CC2D1A: variants seen among roughly 807,000 people sequenced by gnomAD.
CC2D1A encodes coiled-coil and C2 domain containing 1A, also known as coiled-coil and C2 domain-containing protein 1A.
Under a neutral mutation model 123.8 loss-of-function variants are expected in CC2D1A, and 68 were observed. That is an observed-to-expected ratio of 0.55 (90% CI 0.45 to 0.67). The LOEUF is 0.67. Among genes scored for constraint, CC2D1A ranks in the 30% least tolerant of loss-of-function variants. CC2D1A has a pLI of 0.00. For synonymous variants in CC2D1A, 477 were observed against 528.0 expected (o/e 0.90, Z 1.32); for missense variants, 1,185 against 1,290.3 (o/e 0.92, Z 1.25).
chr19:13,919,195 G>GCCCC lies in CC2D1A; in HGVS notation c.1217_1220dup (p.Gly408ProfsTer34). On this transcript the variant is annotated frameshift_variant, in exon 11 of 29. Transcript: ENST00000318003. LOFTEE classifies it high-confidence loss of function. ...CCGTGGATGTCGCTGAATTGCCCGT[G>GCCCC]CCCCCAGGTAGGCCTTGCCCCTGTA... The GCCCC allele has an allele frequency of 6.2e-7, 1 of 1,612,122 alleles. No homozygotes were observed. The highest frequency in any genetic ancestry group is 1.1e-5 in the South Asian group (1 of 90,964).
chr19:13,907,387 G>A (rs1970799856), intron 1 of CC2D1A, among the ~76,000 whole-genome samples: 2 of 152,078 alleles, frequency 1.3e-5, no homozygotes, highest in Admixed American at 6.6e-5. Flanking sequence ...GCTCCAGCCT[G>A]GGTGACAGAA....
Position 13,909,929 on chromosome 19 carries a change from C to A in CC2D1A, c.167C>A (p.Pro56His). The stretch of plus-strand genomic sequence containing the variant: ...TTCTTGGCTTTGGTCGGGGGCCAGC[C>A]CCCAGCCCTGGAGAAGCTCAAAGGC... Reference protein sequence around the residue: ...AEFLALVGGQPPALEKLKGKG... With the variant: ...AEFLALVGGQHPALEKLKGKG... Residue 56 changes from proline to histidine, a missense_variant, in exon 2 of 29, where the codon CCC (proline) becomes CAC (histidine). By Grantham distance (77) the Pro-to-His change is moderately conservative. Coordinates refer to ENST00000318003, the MANE Select transcript of CC2D1A (RefSeq NM_017721.5). The A allele has an allele frequency of 6.5e-7, 1 of 1,529,248 alleles. No individual in the cohort carries two copies. Among genetic ancestry groups the A allele is most frequent in the South Asian group, 1.3e-5 (1 of 77,580 alleles). 94.7% of individuals were successfully genotyped at this position (1,529,248 alleles called of 1,614,324 possible).
In CC2D1A at chr19:13,920,098, A is replaced by T. The variant is rs533898785; in HGVS notation, c.1356+147A>T. On this transcript the variant is annotated intron_variant, in intron 12 of 28. Transcript: ENST00000318003. ...CCCCGTCTCTACAAAAAAATTTTTT[A>T]AAATTAGCCAGGCATGGTGGGACTC... 248 of 764,428 alleles carry T rather than the reference A, an allele frequency of 3.2e-4. 1 individual carries two copies. The highest frequency in any genetic ancestry group is 2.8e-3 in the African/African-American group (156 of 55,866). The allele number at this position is 764,428 out of a possible 1,614,324, so 47.4% of individuals were successfully genotyped here. A position where few individuals can be genotyped will look rare whatever the true frequency, so the allele number is the denominator to read the frequency against.
In CC2D1A at chr19:13,918,516, G is replaced by C. The variant is rs904856105; in HGVS notation, c.886G>C (p.Val296Leu). 4 of 1,613,830 alleles carry C rather than the reference G, an allele frequency of 2.5e-6. No homozygotes were observed. The African/African-American group carries it at 5.3e-5, about 22-fold the overall frequency. ...HFRVAKSFDAVLEALSRGEPV... is the reference protein window; with the variant it reads ...HFRVAKSFDALLEALSRGEPV... Reference sequence around the variant, plus strand: ...TTCCTTCTCCCAGAGCTTTGATGCTGTCTTGGAGGCCCTGAGCCGGGGTGA... The same window carrying C: ...TTCCTTCTCCCAGAGCTTTGATGCTCTCTTGGAGGCCCTGAGCCGGGGTGA... Residue 296 changes from valine to leucine, a missense_variant, in exon 8 of 29, where the codon GTC becomes CTC. Coordinates refer to ENST00000318003, the MANE Select transcript of CC2D1A (RefSeq NM_017721.5).
intron 17 of CC2D1A, among the ~76,000 whole-genome samples, chr19:13,926,021 TATATGTGTATATATATATATATAC>T (rs2145362967): frequency 1.9e-5 from 2 of 104,958 alleles, no homozygotes; most frequent in African/African-American, 1.1e-4. Context: ...TATACGTATA[TATATGTGTATATATATATATATAC>T]ACGTATATAT....
Position 13,919,049 on chromosome 19 carries a change from T to TG in CC2D1A, c.1149+12dup, listed in dbSNP as rs755126900. 14 of 1,605,898 alleles carry TG rather than the reference T, an allele frequency of 8.7e-6. No individual in the cohort carries two copies. The East Asian group carries it at 2.5e-4, about 28-fold the overall frequency. On this transcript the variant is annotated splice_region_variant and intron_variant, in intron 10 of 28. Transcript: ENST00000318003. ...GCACGAGCGCATCGTCAAGGTGCCC[T>TG]GGGGGTTCCGGGGGAGGTGGGGCGA...
chr19:13,913,863 C>T (rs377007206), intron 6 of CC2D1A, among the ~76,000 whole-genome samples: 8 of 152,186 alleles, frequency 5.3e-5, no homozygotes, highest in Middle Eastern at 3.4e-3. Context: ...ATATAGATCA[C>T]ATTTGCCATT....
Position 13,912,384 on chromosome 19 carries a change from G to A in CC2D1A, c.258G>A (p.Glu86=), listed in dbSNP as rs1275179452. The change falls in exon 3 of 29, where the codon GAG becomes GAA. Residue 86 remains glutamate (E), a synonymous_variant. Coordinates refer to ENST00000318003, the MANE Select transcript of CC2D1A (RefSeq NM_017721.5). The part of the protein sequence containing the change: ...MASLCMRDPD[E]DEEEGTDEDD... ...GCCTGTGCATGAGAGACCCGGATGA[G>A]GATGAGGAGGAGGGGACGGATGAGG... 1.2e-6 allele frequency: 2 copies of A among 1,613,624 alleles called. No individual in the cohort carries two copies. The highest frequency in any genetic ancestry group is 1.3e-5 in the African/African-American group (1 of 75,044).
In CC2D1A at chr19:13,926,011, T is replaced by C. The variant is rs1195422072; in HGVS notation, c.1941-506T>C. ...ATACATATATGTGTGTATATATATA[T>C]ATACGTATATATATGTGTATATATA... On this transcript the variant is annotated intron_variant, in intron 17 of 28. Coordinates refer to ENST00000318003, the MANE Select transcript of CC2D1A (RefSeq NM_017721.5). 4.3e-4 allele frequency among the ~76,000 whole-genome samples: 53 copies of C among 124,140 alleles called. 1 individual carries two copies. The highest frequency in any genetic ancestry group is 2.1e-3 in the African/African-American group (51 of 23,984). The allele number at this position is 124,140 out of a possible 152,430, so 81.4% of individuals were successfully genotyped here.
Position 13,929,720 on chromosome 19 carries a change from G to T in CC2D1A, c.2710+60G>T, listed in dbSNP as rs2145382791. ...GAGCTCCAGGATAGGCATGGGGGGGGAGGTGCTCAGGGATGCATATCTGGT... is the reference window on the plus strand; with the variant it reads ...GAGCTCCAGGATAGGCATGGGGGGGTAGGTGCTCAGGGATGCATATCTGGT... On this transcript the variant is annotated intron_variant, in intron 26 of 28. Coordinates refer to ENST00000318003, the MANE Select transcript of CC2D1A (RefSeq NM_017721.5). 1.3e-5 allele frequency: 13 copies of T among 1,006,688 alleles called. No individual in the cohort carries two copies. The South Asian group carries it at 1.3e-4, about 10-fold the overall frequency. 62.4% of individuals were successfully genotyped at this position (1,006,688 alleles called of 1,614,324 possible).
intron 6 of CC2D1A, among the ~76,000 whole-genome samples, chr19:13,917,694 T>A (rs1178309265): frequency 6.7e-6 from 1 of 150,266 alleles, no homozygotes; most frequent in East Asian, 2.0e-4. Flanking sequence ...AAAAATACAT[T>A]AAAGCCAGGC....
intron 14 of CC2D1A, among the ~76,000 whole-genome samples, chr19:13,921,808 G>A (rs560363240): frequency 1.3e-5 from 2 of 152,314 alleles, no homozygotes; most frequent in Admixed American, 1.3e-4. Context: ...GGGAGGCTGA[G>A]GTGGGAGGAT....
Position 13,906,633 on chromosome 19 carries a change from G to A in CC2D1A, c.60+132G>A. 1.8e-6 allele frequency: 1 copy of A among 553,854 alleles called. No homozygotes were observed. Among genetic ancestry groups the A allele is most frequent in the Non-Finnish European group, 3.0e-6 (1 of 328,358 alleles). 34.3% of individuals were successfully genotyped at this position (553,854 alleles called of 1,614,324 possible). On this transcript the variant is annotated intron_variant, in intron 1 of 28. Coordinates refer to ENST00000318003, the MANE Select transcript of CC2D1A (RefSeq NM_017721.5). The surrounding 1 kb of genome is among the most constrained non-coding windows in gnomAD (Gnocchi z 4.1). ...AAGCCCCGGTCCCCGCCTCCCCCCA[G>A]GTGAGGCTCCAACACCACCCAAGTG...
rs1157832326 is a variant in CC2D1A, at chr19:13,920,617, T to C, written c.1417T>C (p.Ser473Pro). ...AGCCCCACCCTCAAGAACTCCCCAG[T>C]CGGGATCAGCCCCAACAGCCAAAGC... is the stretch of plus-strand genomic sequence containing the variant. ...PKAPPSRTPQ[S>P]GSAPTAKAPP... Residue 473 changes from serine (S) to proline (P), a missense_variant, in exon 13 of 29, where the codon TCG becomes CCG. Physicochemically the swap from Ser to Pro is moderately conservative, Grantham distance 74. Coordinates refer to ENST00000318003, the MANE Select transcript of CC2D1A (RefSeq NM_017721.5). 1 of 1,610,996 alleles carries C rather than the reference T, an allele frequency of 6.2e-7. No individual in the cohort carries two copies. Among genetic ancestry groups the C allele is most frequent in the African/African-American group, 1.3e-5 (1 of 74,696 alleles).
intron 14 of CC2D1A, among the ~76,000 whole-genome samples, chr19:13,921,502 ACCC>A (rs1049792699): frequency 6.6e-6 from 1 of 152,102 alleles, no homozygotes; most frequent in African/African-American, 2.4e-5. Context: ...GGGGATGGCC[ACCC>A]CTGCCTCAAA....
At chr19:13,924,205 C>G (rs1316642493) in intron 17 of CC2D1A, among the ~76,000 whole-genome samples, 1 of 152,056 alleles carries the variant, frequency 6.6e-6, no homozygotes, top group African/African-American at 2.4e-5. Context: ...GAGTCTCACT[C>G]TGTTGCCCAG....
chr19:13,914,080 G>C (rs140791094), intron 6 of CC2D1A, among the ~76,000 whole-genome samples: 37 of 151,990 alleles, frequency 2.4e-4, no homozygotes, highest in African/African-American at 8.4e-4. Context: ...GTTTCACCTT[G>C]TTGGCCAGGC....
At chr19:13,925,972 A>ATG (rs1384971469) in intron 17 of CC2D1A, among the ~76,000 whole-genome samples, 1 of 105,394 alleles carries the variant, frequency 9.5e-6, no homozygotes, top group Non-Finnish European at 1.8e-5. Flanking sequence ...ACGTATATAT[A>ATG]TGTGTATATA....
At chr19:13,925,106 C>T (rs1190122569) in intron 17 of CC2D1A, among the ~76,000 whole-genome samples, 3 of 152,134 alleles carry the variant, frequency 2.0e-5, no homozygotes, top group Admixed American at 6.6e-5. Context: ...CCTATCTATC[C>T]GAGCAGTCTC....
Sources: allele counts gnomAD v4.1 joint callset (sites outside exome capture counted in the v4.1 genomes callset), GRCh38; gene constraint gnomAD v4.1.1; non-coding constraint Gnocchi (gnomAD v3.1); transcripts MANE v1.5; gene names NCBI Gene and HGNC (gene_info 2026-07-23, HGNC 2026-07-21).